MIS18A: variants seen among roughly 807,000 people sequenced by gnomAD.
MIS18A encodes the protein MIS18 kinetochore protein A, also known as protein Mis18-alpha.
Under a neutral mutation model 25.0 loss-of-function variants are expected in MIS18A, and 14 were observed. That is an observed-to-expected ratio of 0.56 (90% confidence interval 0.37 to 0.88). The LOEUF is 0.88. MIS18A is among the 40% of genes least tolerant of loss of function. The probability of loss-of-function intolerance (pLI) is 0.00; values close to 1 mark genes in which losing one functional copy is unlikely to be tolerated. For synonymous variants in MIS18A, 134 were observed against 118.6 expected (o/e 1.13, Z -0.84); for missense variants, 292 against 290.8 (o/e 1.00, Z -0.03).
the MIS18A span, among the ~76,000 whole-genome samples, chr21:32,162,014 T>C: frequency 3.9e-5 from 6 of 152,074 alleles, no homozygotes; most frequent in African/African-American, 2.4e-5. Context: ...TAATACAGTA[T>C]ATATTGTTTC....
the MIS18A span, among the ~76,000 whole-genome samples, chr21:32,231,097 C>T: frequency 2.0e-5 from 3 of 151,892 alleles, no homozygotes; most frequent in Admixed American, 6.6e-5. Flanking sequence ...ATTAGCCAGG[C>T]ATGGTGGTGC....
chr21:32,219,176 G>A, the MIS18A span, among the ~76,000 whole-genome samples: 4 of 152,026 alleles, frequency 2.6e-5, no homozygotes, highest in Non-Finnish European at 5.9e-5. Flanking sequence ...TGCATTATTC[G>A]GGGGCTAGCA....
the MIS18A span, among the ~76,000 whole-genome samples, chr21:32,217,069 T>TA: frequency 6.6e-6 from 1 of 151,900 alleles, no homozygotes; most frequent in Admixed American, 6.6e-5. Context: ...TTAATAACAA[T>TA]AAAAAATTAT....
chr21:32,266,337 A>G (rs1463189757), downstream of MIS18A, among the ~76,000 whole-genome samples: 1 of 152,212 alleles, frequency 6.6e-6, no homozygotes, highest in Admixed American at 6.5e-5. Context: ...CGGCTCTACC[A>G]ATCAGCAGGA....
chr21:32,194,720 G>A, the MIS18A span, among the ~76,000 whole-genome samples: 4 of 151,804 alleles, frequency 2.6e-5, no homozygotes, highest in Non-Finnish European at 5.9e-5. Flanking sequence ...CCATAAAAAA[G>A]AATGAAATCA....
the MIS18A span, among the ~76,000 whole-genome samples, chr21:32,206,278 T>A: frequency 1.3e-4 from 20 of 152,214 alleles, no homozygotes; most frequent in South Asian, 3.9e-3. Context: ...CTTCCATGTG[T>A]GTTAGGGTGT....
At chr21:32,274,195 T>C (rs1287141306) in intron 2 of MIS18A, among the ~76,000 whole-genome samples, 1 of 144,046 alleles carries the variant, frequency 6.9e-6, no homozygotes, top group Non-Finnish European at 1.5e-5. Flanking sequence ...TTTCCTTTTC[T>C]TCTTTTTTTT....
the MIS18A span, among the ~76,000 whole-genome samples, chr21:32,221,818 G>A: frequency 4.0e-5 from 6 of 151,824 alleles, no homozygotes; most frequent in Non-Finnish European, 7.4e-5. Flanking sequence ...CTTGAACCCA[G>A]GAGGTGGAGG....
At chr21:32,191,880 G>A in the MIS18A span, among the ~76,000 whole-genome samples, 2 of 152,008 alleles carry the variant, frequency 1.3e-5, no homozygotes, top group Admixed American at 1.3e-4. Flanking sequence ...ACTCCAGCCT[G>A]GGCAACAAGA....
chr21:32,277,485 GCT>G (rs1317439263), intron 1 of MIS18A, among the ~76,000 whole-genome samples: 1 of 151,890 alleles, frequency 6.6e-6, no homozygotes, highest in Admixed American at 6.6e-5. Context: ...ACGTTGTCTC[GCT>G]CTGTCTCCAG....
At chr21:32,208,791 C>T in the MIS18A span, among the ~76,000 whole-genome samples, 1 of 152,168 alleles carries the variant, frequency 6.6e-6, no homozygotes. Flanking sequence ...TCCTATGTCA[C>T]CTCCAAGCCT....
the MIS18A span, among the ~76,000 whole-genome samples, chr21:32,204,869 A>G: frequency 6.6e-6 from 1 of 152,330 alleles, no homozygotes; most frequent in African/African-American, 2.4e-5. Flanking sequence ...CCTGGGCGAC[A>G]GAGCAAGACT....
chr21:32,266,358 G>A (rs2031600151), downstream of MIS18A, among the ~76,000 whole-genome samples: 1 of 152,198 alleles, frequency 6.6e-6, no homozygotes, highest in African/African-American at 2.4e-5. Context: ...TGTGGGTGGG[G>A]CCAGATAAGA....
chr21:32,241,838 C>G, the MIS18A span, among the ~76,000 whole-genome samples: 1 of 152,344 alleles, frequency 6.6e-6, no homozygotes, highest in Admixed American at 6.5e-5. Context: ...TTCTGTGTTG[C>G]TCTCTTGACA....
chr21:32,203,132 A>T, the MIS18A span, among the ~76,000 whole-genome samples: 1 of 152,082 alleles, frequency 6.6e-6, no homozygotes, highest in African/African-American at 2.4e-5. Flanking sequence ...AAACATTAAG[A>T]AACTCTTCCA....
the MIS18A span, among the ~76,000 whole-genome samples, chr21:32,156,848 C>T: frequency 2.0e-5 from 3 of 151,950 alleles, no homozygotes; most frequent in African/African-American, 7.3e-5. Context: ...TGACCATGAC[C>T]CAGGTAATAG....
At chr21:32,162,439 C>T in the MIS18A span, among the ~76,000 whole-genome samples, 2 of 152,278 alleles carry the variant, frequency 1.3e-5, no homozygotes, top group South Asian at 2.1e-4. Flanking sequence ...CTGTGGGAGA[C>T]GGGGGATCTT....
the MIS18A span, among the ~76,000 whole-genome samples, chr21:32,222,784 A>T: frequency 6.6e-6 from 1 of 151,956 alleles, no homozygotes; most frequent in Non-Finnish European, 1.5e-5. Flanking sequence ...CAAAAAAATT[A>T]GCCAGGTGTG....
At chr21:32,231,750 A>G in the MIS18A span, among the ~76,000 whole-genome samples, 3 of 152,120 alleles carry the variant, frequency 2.0e-5, no homozygotes, top group Admixed American at 2.0e-4. Context: ...CGTCTCTACT[A>G]AAAATACAAA....
Sources: allele counts gnomAD v4.1 joint callset (sites outside exome capture counted in the v4.1 genomes callset), GRCh38; gene constraint gnomAD v4.1.1; transcripts MANE v1.5; gene names NCBI Gene and HGNC (gene_info 2026-07-23, HGNC 2026-07-21).